SH3BGRL2: variants seen among roughly 807,000 people sequenced by gnomAD.
SH3BGRL2 encodes the protein SH3 domain-binding glutamic acid-rich-like protein 2.
A neutral mutation model predicts 14.8 loss-of-function variants in SH3BGRL2; 21 were observed. That is an observed-to-expected ratio of 1.42 (90% CI 1.01 to 2.05). The LOEUF is 2.05. Ranked by LOEUF, SH3BGRL2 falls within the 30% of genes most tolerant of loss-of-function variation. SH3BGRL2 has a pLI of 0.00. For synonymous variants in SH3BGRL2, 50 were observed against 47.8 expected, an observed-to-expected ratio of 1.05 and a Z score of -0.19; for missense variants, 147 against 130.8, an observed-to-expected ratio of 1.12 and a Z score of -0.61.
At chr6:79,579,476 G>C in the SH3BGRL2 span, among the ~76,000 whole-genome samples, 113 of 152,322 alleles carry the variant, frequency 7.4e-4, 1 homozygote, top group East Asian at 5.8e-4. Flanking sequence ...CAACCCAGAA[G>C]AGAGTGGGGG....
chr6:79,642,398 C>T (rs1024315478), intron 1 of SH3BGRL2, among the ~76,000 whole-genome samples: 2 of 152,086 alleles, frequency 1.3e-5, no homozygotes, highest in Non-Finnish European at 2.9e-5. Context: ...CTAAGGGACA[C>T]CAAATATACT....
intron 2 of SH3BGRL2, among the ~76,000 whole-genome samples, chr6:79,680,802 C>T (rs922026889): frequency 2.0e-5 from 3 of 151,780 alleles, no homozygotes; most frequent in African/African-American, 7.3e-5. Flanking sequence ...AGGTTTATTC[C>T]TACTTTATTA....
chr6:79,684,828 AG>A (rs1316051339), intron 2 of SH3BGRL2, among the ~76,000 whole-genome samples: 4 of 152,202 alleles, frequency 2.6e-5, no homozygotes, highest in Admixed American at 2.6e-4. Context: ...CTGTATTCCA[AG>A]GCCTTCTGTC....
the SH3BGRL2 span, among the ~76,000 whole-genome samples, chr6:79,590,904 G>A: frequency 6.6e-6 from 1 of 152,124 alleles, no homozygotes; most frequent in Non-Finnish European, 1.5e-5. Context: ...CCAATGCAGA[G>A]ATATCTACTG....
the SH3BGRL2 span, among the ~76,000 whole-genome samples, chr6:79,598,179 C>T: frequency 6.6e-6 from 1 of 152,180 alleles, no homozygotes; most frequent in Non-Finnish European, 1.5e-5. Context: ...GGAAAATAGT[C>T]TAGCAGTTCC....
At chr6:79,663,416 G>T (rs575830999) in intron 1 of SH3BGRL2, among the ~76,000 whole-genome samples, 124 of 152,310 alleles carry the variant, frequency 8.1e-4, no homozygotes, top group Middle Eastern at 6.8e-3. Context: ...TCAGCTGCAG[G>T]TCTGTTGGAG....
the SH3BGRL2 span, among the ~76,000 whole-genome samples, chr6:79,584,055 G>C: frequency 6.6e-6 from 1 of 152,054 alleles, no homozygotes; most frequent in Non-Finnish European, 1.5e-5. Flanking sequence ...GCAATTTGTA[G>C]GTCTAGTGAA....
intron 1 of SH3BGRL2, among the ~76,000 whole-genome samples, chr6:79,662,242 G>A (rs1270342568): frequency 6.6e-6 from 1 of 152,256 alleles, no homozygotes; most frequent in South Asian, 2.1e-4. Flanking sequence ...TCATAGCATC[G>A]ATGGTCTTTA....
chr6:79,638,796 TA>T (rs2127723185), intron 1 of SH3BGRL2, among the ~76,000 whole-genome samples: 2 of 152,332 alleles, frequency 1.3e-5, no homozygotes, highest in South Asian at 4.1e-4. Context: ...TTGGATTATT[TA>T]TTTTTTTGCT....
chr6:79,627,637 T>C (rs1041276122), upstream of SH3BGRL2, among the ~76,000 whole-genome samples: 3 of 152,208 alleles, frequency 2.0e-5, no homozygotes, highest in Non-Finnish European at 4.4e-5. Context: ...AATTCTTCTC[T>C]TGGTTTCTGT....
At chr6:79,602,955 G>C in the SH3BGRL2 span, among the ~76,000 whole-genome samples, 2 of 152,134 alleles carry the variant, frequency 1.3e-5, no homozygotes, top group African/African-American at 4.8e-5. Context: ...TGCAAGAGAA[G>C]AGGCAGAAAA....
chr6:79,548,421 C>T, the SH3BGRL2 span, among the ~76,000 whole-genome samples: 2 of 152,244 alleles, frequency 1.3e-5, no homozygotes, highest in African/African-American at 4.8e-5. Flanking sequence ...GAGATTCTGA[C>T]TACTTAGTTT....
the SH3BGRL2 span, among the ~76,000 whole-genome samples, chr6:79,547,190 C>G: frequency 1.1e-4 from 16 of 152,002 alleles, no homozygotes; most frequent in Admixed American, 1.0e-3. Context: ...CCAGACTGTC[C>G]ACAGTCTGGT....
At chr6:79,649,985 T>TCACACA (rs1554202291) in intron 1 of SH3BGRL2, among the ~76,000 whole-genome samples, 9,894 of 141,916 alleles carry the variant, frequency 0.07, 574 homozygotes, top group East Asian at 0.23. Context: ...TCTCTCTCTC[T>TCACACA]CACACACACA....
At position 79,680,475 on chromosome 6, in the gene SH3BGRL2, A is replaced by G. The variant is rs909026986; in HGVS notation, c.231+6676A>G. 3.9e-5 allele frequency among the ~76,000 whole-genome samples: 6 copies of G among 152,288 alleles called. No homozygotes were observed. The Middle Eastern group carries it at 0.014, about 345-fold the overall frequency. On this transcript the variant is annotated intron_variant, in intron 2 of 3. Transcript: ENST00000369838. ...GGTAGAATCACACTGTTTGATGACT[A>G]TAGCTTTGTAATATGTTTTGAAATC...
At chr6:79,645,154 CAA>C (rs68143148) in intron 1 of SH3BGRL2, among the ~76,000 whole-genome samples, 1 of 120,038 alleles carries the variant, frequency 8.3e-6, no homozygotes. Context: ...GAGTCCGTCT[CAA>C]AAAAAAAAAA....
chr6:79,696,152 A>G (rs1445956929), intron 2 of SH3BGRL2, among the ~76,000 whole-genome samples: 1 of 152,182 alleles, frequency 6.6e-6, no homozygotes, highest in Non-Finnish European at 1.5e-5. Flanking sequence ...CTGAAAACCT[A>G]GAGTAAAATC....
chr6:79,546,127 C>A, the SH3BGRL2 span, among the ~76,000 whole-genome samples: 1 of 152,062 alleles, frequency 6.6e-6, no homozygotes, highest in Non-Finnish European at 1.5e-5. Flanking sequence ...TGGTCTAATC[C>A]CTAACACCAA....
At position 79,635,651 on chromosome 6, in the gene SH3BGRL2, A is replaced by T. The variant is rs566059612; in HGVS notation, c.45+4145A>T. 2.8e-4 allele frequency among the ~76,000 whole-genome samples: 43 copies of T among 152,348 alleles called. No homozygotes were observed. In the South Asian group the frequency reaches 8.7e-3, roughly 31 times the overall value. On this transcript the variant is annotated intron_variant, in intron 1 of 3. Transcript: ENST00000369838. ...GGCTTGGGAGATGTTTCCATGGGGC[A>T]GGGTGAAATGAGCTAGACATCAGTA... is the stretch of plus-strand genomic sequence containing the variant.
Sources: gnomAD v4.1 joint callset for allele counts (sites outside exome capture counted in the v4.1 genomes callset) on GRCh38, gnomAD v4.1.1 for gene constraint, MANE v1.5 for transcripts, NCBI Gene and HGNC (gene_info 2026-07-23, HGNC 2026-07-21) for gene names.